The following USP36 variants were observed in gnomAD, a reference collection of about 807,000 sequenced individuals.
USP36 encodes ubiquitin carboxyl-terminal hydrolase 36.
In USP36, 59 loss-of-function variants were observed where a neutral mutation model predicts 111.5. The ratio of observed to expected loss-of-function variants is 0.53; its 90% confidence interval spans 0.43 to 0.66. The LOEUF (loss-of-function observed/expected upper bound fraction) is 0.66, where lower values mean the gene tolerates loss of function less well. Among genes scored for constraint, USP36 ranks in the 30% least tolerant of loss-of-function variants. The pLI is 0.00. For missense variants in USP36, 1,488 were observed against 1,468.0 expected (o/e 1.01, Z -0.22); for synonymous variants, 628 against 581.0 (o/e 1.08, Z -1.16).
intron 13 of USP36, 29 bp from the exon 14 acceptor site, chr17:78,807,665 T>C: frequency 6.6e-7 from 1 of 1,509,724 alleles, no homozygotes; most frequent in African/African-American, 1.4e-5. Context: ...AAAACACAAC[T>C]GAGGAAGCGA....
chr17:78,791,178 A>G (rs974277138), downstream of USP36, among the ~76,000 whole-genome samples: 3 of 134,588 alleles, frequency 2.2e-5, no homozygotes, highest in Admixed American at 2.4e-4. Flanking sequence ...GTTGTTGCCC[A>G]GGCTGGAATG....
intron 3 of USP36, among the ~76,000 whole-genome samples, chr17:78,788,982 G>A (rs989476891): frequency 4.0e-5 from 6 of 151,888 alleles, no homozygotes; most frequent in Non-Finnish European, 8.8e-5. Flanking sequence ...GGCAGATCAC[G>A]AGGTCAGGAG....
chr17:78,826,050 G>A (rs549924801), intron 6 of USP36, among the ~76,000 whole-genome samples: 34 of 152,096 alleles, frequency 2.2e-4, no homozygotes, highest in Admixed American at 5.2e-4. Context: ...ATGGGGCCCA[G>A]CACACAGGGA....
At chr17:78,806,850 G>C (rs2093915558) in intron 14 of USP36, 109 bp downstream of exon 14, 35 of 1,423,056 alleles carry the variant, frequency 2.5e-5, no homozygotes, top group Non-Finnish European at 3.3e-5. Flanking sequence ...CCTCTAACAT[G>C]AGGGAGGCCA....
At chr17:78,804,625 TAAAAAAA>T (rs35371422) in intron 15 of USP36, among the ~76,000 whole-genome samples, 1 of 38,310 alleles carries the variant, frequency 2.6e-5, no homozygotes, top group Non-Finnish European at 4.8e-5. Flanking sequence ...CCCTGAGATT[TAAAAAAA>T]AAAAAAAAAA....
At chr17:78,820,879 G>A (rs1353403455) in intron 8 of USP36, 112 bp downstream of exon 8, 3 of 1,148,584 alleles carry the variant, frequency 2.6e-6, no homozygotes, top group Non-Finnish European at 2.5e-6. Context: ...GGGAGCAAAG[G>A]AGTTTTCTCC....
chr17:78,836,798 G>GACACACACACAC (rs71365539), intron 2 of USP36, among the ~76,000 whole-genome samples: 6 of 145,814 alleles, frequency 4.1e-5, no homozygotes, highest in South Asian at 2.1e-4. Context: ...TACACACACG[G>GACACACACACAC]ACACACACAC....
At chr17:78,838,381 A>AAAAAC (rs1409600489) in intron 2 of USP36, among the ~76,000 whole-genome samples, 6 of 147,750 alleles carry the variant, frequency 4.1e-5, no homozygotes, top group African/African-American at 1.5e-4. Context: ...CAAAAAAAAA[A>AAAAAC]AAAAACAAAA....
At position 78,821,036 on chromosome 17, in the gene USP36, G is replaced by A. The variant is rs574564216; in HGVS notation, c.783C>T (p.Val261=). ...CCAAGTAGGGGTCGTAGGTGTCCGA[G>A]ACGCTCTTGCACACGGAGCACTTCA... ...SRVKCSVCKS[V]SDTYDPYLDV... The change falls in exon 8 of 21, where the codon GTC becomes GTT. Residue 261 remains valine (V), a synonymous_variant. Transcript: ENST00000449938. 1 of 1,606,958 alleles carries A rather than the reference G, an allele frequency of 6.2e-7. No individual in the cohort carries two copies. Among genetic ancestry groups the A allele is most frequent in the Admixed American group, 1.7e-5 (1 of 59,344 alleles).
chr17:78,799,600 C>T, intron 18 of USP36, 67 bp downstream of exon 18: 1 of 1,464,818 alleles, frequency 6.8e-7, no homozygotes, highest in Non-Finnish European at 9.5e-7. Flanking sequence ...GGATCCATTC[C>T]ACACCCTTCC....
chr17:78,829,318 A>G (rs2067864474), intron 4 of USP36, among the ~76,000 whole-genome samples: 1 of 152,220 alleles, frequency 6.6e-6, no homozygotes, highest in Non-Finnish European at 1.5e-5. Flanking sequence ...TTTCACTAGT[A>G]TTATTTACTT....
At position 78,802,363 on chromosome 17, in the gene USP36, C is replaced by A. The variant is rs145562419; in HGVS notation, c.2983G>T (p.Ala995Ser). 15 of 1,600,954 alleles carry A rather than the reference C, an allele frequency of 9.4e-6. No individual in the cohort carries two copies. The African/African-American group carries it at 1.7e-4, about 19-fold the overall frequency. ...GGACACCAGCCATTCGCGGATGGTG[C>A]GCAGCTGCTGGACTCGGGGACAACA... Reference protein sequence around the residue: ...DAVVPESSSCAPSANGWCPGD... With the variant: ...DAVVPESSSCSPSANGWCPGD... The change falls in exon 17 of 21, where the codon GCA becomes TCA. Residue 995 changes from alanine (A) to serine (S), a missense_variant. Ala to Ser is a moderately conservative substitution (Grantham distance 99). Transcript: ENST00000449938.
chr17:78,788,228 A>G (rs999122069), intron 3 of USP36, among the ~76,000 whole-genome samples: 4 of 151,982 alleles, frequency 2.6e-5, no homozygotes, highest in Non-Finnish European at 4.4e-5. Flanking sequence ...GCAGTGGTGC[A>G]ATCTCGGCTC....
intron 16 of USP36, among the ~76,000 whole-genome samples, chr17:78,802,737 G>A (rs115200170): frequency 2.1e-3 from 320 of 152,224 alleles, no homozygotes; most frequent in African/African-American, 7.4e-3. Flanking sequence ...AAAACCAGTC[G>A]CGTTTCCCAT....
chr17:78,821,150 C>A, intron 7 of USP36, 89 bp from the exon 8 acceptor site: 1 of 1,296,148 alleles, frequency 7.7e-7, no homozygotes, highest in South Asian at 1.4e-5. Context: ...GAGGCAGACT[C>A]TCAGCAGGGC....
chr17:78,799,877 C>A, intron 17 of USP36, 109 bp from the exon 18 acceptor site: 1 of 154,442 alleles, frequency 6.5e-6, no homozygotes, highest in Non-Finnish European at 1.2e-5. Flanking sequence ...GGATGCTTGC[C>A]TTTTTTTTTT....
Position 78,814,435 on chromosome 17 carries a change from C to T in USP36, c.1141G>A (p.Gly381Arg), listed in dbSNP as rs778272120. The T allele has an allele frequency of 1.2e-6, 2 of 1,614,070 alleles. No homozygotes were observed. Among genetic ancestry groups the T allele is most frequent in the African/African-American group, 1.3e-5 (1 of 75,030 alleles). The change falls in exon 11 of 21, where the codon GGG becomes AGG. Residue 381 changes from glycine to arginine, a missense_variant. Transcript: ENST00000449938. ...LVHSGYSCHA[G>R]HYYCYVKASN... ...ACCTTCACGTAGCAGTAATAGTGCCCGGCATGGCAGCTGTAGCCCGAGTGC... is the reference window on the plus strand; with the variant it reads ...ACCTTCACGTAGCAGTAATAGTGCCTGGCATGGCAGCTGTAGCCCGAGTGC...
intron 10 of USP36, 52 bp from the exon 11 acceptor site, chr17:78,814,604 A>T (rs2094138057): frequency 6.3e-7 from 1 of 1,589,320 alleles, no homozygotes. Context: ...GAGAGTAAAG[A>T]TCAATTTGCC....
chr17:78,806,378 A>T, intron 14 of USP36, 92 bp from the exon 15 acceptor site: 4 of 1,548,366 alleles, frequency 2.6e-6, no homozygotes, highest in Non-Finnish European at 3.5e-6. Flanking sequence ...AATGAAAATA[A>T]AAACAAAAGA....
Sources: gnomAD v4.1 joint callset for allele counts (sites outside exome capture counted in the v4.1 genomes callset) on GRCh38, gnomAD v4.1.1 for gene constraint, MANE v1.5 for transcripts, NCBI Gene and HGNC (gene_info 2026-07-23, HGNC 2026-07-21) for gene names.